CDIN1: variants seen among roughly 807,000 people sequenced by gnomAD.
CDIN1 encodes the protein CDAN1-interacting nuclease 1.
Under a neutral mutation model 45.3 loss-of-function variants are expected in CDIN1, and 33 were observed. The ratio of observed to expected loss-of-function variants is 0.73; its 90% CI spans 0.55 to 0.97. CDIN1 has a LOEUF of 0.97. Among genes scored for constraint, CDIN1 ranks in the 50% least tolerant of loss-of-function variants. CDIN1 has a pLI of 0.00. For synonymous variants in CDIN1, 118 were observed against 124.4 expected (o/e 0.95, Z 0.34); for missense variants, 303 against 339.4 (o/e 0.89, Z 0.84).
Position 36,665,012 on chromosome 15 carries a change from A to T in CDIN1, c.346+7107A>T, listed in dbSNP as rs190852957. Among the ~76,000 whole-genome samples the T allele has an allele frequency of 2.0e-5, 3 of 152,172 alleles. No homozygotes were observed. In the East Asian group the frequency reaches 5.8e-4, roughly 29 times the overall value. On this transcript the variant is annotated intron_variant, in intron 5 of 10. Coordinates refer to ENST00000566621, the MANE Select transcript of CDIN1 (RefSeq NM_001321759.2). ...AATTTCTTGAAAGCTCCACTGTATCATATTTTATCCTTTGAAATGTGTTGG... is the reference window on the plus strand; with the variant it reads ...AATTTCTTGAAAGCTCCACTGTATCTTATTTTATCCTTTGAAATGTGTTGG...
At chr15:36,778,108 A>G (rs185017388) in intron 10 of CDIN1, among the ~76,000 whole-genome samples, 37 of 152,308 alleles carry the variant, frequency 2.4e-4, no homozygotes, top group Non-Finnish European at 7.3e-5. Flanking sequence ...ATACCAAGTT[A>G]CCACGGGCCT....
At chr15:36,624,798 A>T (rs748053798) in intron 1 of CDIN1, among the ~76,000 whole-genome samples, 37 of 152,290 alleles carry the variant, frequency 2.4e-4, no homozygotes, top group Middle Eastern at 3.4e-3. Context: ...TTGGGAAGAA[A>T]GTAGTAAAGA....
At chr15:36,646,459 C>G (rs1011061242) in intron 3 of CDIN1, among the ~76,000 whole-genome samples, 1 of 151,470 alleles carries the variant, frequency 6.6e-6, no homozygotes, top group Non-Finnish European at 1.5e-5. Context: ...AGTTTTGTGT[C>G]TAGGAGAGAT....
At chr15:36,728,001 A>G (rs1224059226) in intron 10 of CDIN1, among the ~76,000 whole-genome samples, 10 of 152,228 alleles carry the variant, frequency 6.6e-5, no homozygotes, top group African/African-American at 1.9e-4. Context: ...GATTATATGC[A>G]TGCTAAGAAT....
At chr15:36,580,708 AG>A (rs1305005553) in intron 1 of CDIN1, among the ~76,000 whole-genome samples, 1 of 152,252 alleles carries the variant, frequency 6.6e-6, no homozygotes, top group African/African-American at 2.4e-5. Context: ...ACATTACATG[AG>A]GAACCAGTTG....
At chr15:36,717,197 A>G (rs900834000) in intron 10 of CDIN1, among the ~76,000 whole-genome samples, 6 of 152,224 alleles carry the variant, frequency 3.9e-5, no homozygotes, top group Admixed American at 2.0e-4. Context: ...GACACAGAAT[A>G]AACTCATATT....
At chr15:36,660,947 T>C (rs1441431284) in intron 5 of CDIN1, among the ~76,000 whole-genome samples, 2 of 152,192 alleles carry the variant, frequency 1.3e-5, no homozygotes, top group African/African-American at 4.8e-5. Context: ...TTTATCCATG[T>C]TGTGCCATTT....
chr15:36,712,626 A>G (rs1400023067), intron 10 of CDIN1, among the ~76,000 whole-genome samples: 1 of 152,142 alleles, frequency 6.6e-6, no homozygotes, highest in East Asian at 1.9e-4. Flanking sequence ...ACCAATTTTT[A>G]GATTAACATT....
At chr15:36,759,979 G>A (rs1172943880) in intron 10 of CDIN1, among the ~76,000 whole-genome samples, 1 of 152,116 alleles carries the variant, frequency 6.6e-6, no homozygotes, top group African/African-American at 2.4e-5. Context: ...AATTCAACAT[G>A]AGATTTGGGT....
intron 10 of CDIN1, among the ~76,000 whole-genome samples, chr15:36,742,210 C>G (rs930658161): frequency 6.6e-6 from 1 of 151,960 alleles, no homozygotes; most frequent in African/African-American, 2.4e-5. Context: ...TCTGGACCAC[C>G]GTCAAAGACC....
At chr15:36,618,518 TA>T (rs979635521) in intron 1 of CDIN1, 1 of 1,235,294 alleles carries the variant, frequency 8.1e-7, no homozygotes, top group Non-Finnish European at 1.2e-6. Context: ...AAGTTTGACT[TA>T]CTAGCCTCAA....
In CDIN1 at chr15:36,763,971, G is replaced by A. The variant is rs138479643; in HGVS notation, c.717-44353G>A. The stretch of plus-strand genomic sequence containing the variant: ...GACTGTCAGTATCCATTCTCTATGC[G>A]TACCAAAACAAACCACAAGTTCAAA... On this transcript the variant is annotated intron_variant, in intron 10 of 10. Coordinates refer to ENST00000566621, the MANE Select transcript of CDIN1 (RefSeq NM_001321759.2). 1.6e-3 allele frequency among the ~76,000 whole-genome samples: 242 copies of A among 152,202 alleles called. 4 individuals are homozygous for A. In the South Asian group the frequency reaches 0.022, roughly 14 times the overall value.
intron 10 of CDIN1, among the ~76,000 whole-genome samples, chr15:36,764,214 G>GTTTTT (rs11297312): frequency 1.9e-4 from 22 of 116,218 alleles, no homozygotes; most frequent in Non-Finnish European, 3.1e-4. Context: ...TGTGGTTTTG[G>GTTTTT]TTTTTTTTTT....
At chr15:36,654,642 TCTC>T in intron 4 of CDIN1, among the ~76,000 whole-genome samples, 1 of 152,184 alleles carries the variant, frequency 6.6e-6, no homozygotes, top group South Asian at 2.1e-4. Flanking sequence ...TGTAGAAAAG[TCTC>T]CTTCTTTATA....
chr15:36,593,323 A>G (rs1416179193), intron 1 of CDIN1, among the ~76,000 whole-genome samples: 1 of 152,118 alleles, frequency 6.6e-6, no homozygotes, highest in Non-Finnish European at 1.5e-5. Context: ...TTTTGTCTCA[A>G]CTTAGTAAGA....
chr15:36,602,902 G>A lies in CDIN1; in HGVS notation c.101+22941G>A, dbSNP rs1171493466. On this transcript the variant is annotated intron_variant, in intron 1 of 10. Coordinates refer to ENST00000566621, the MANE Select transcript of CDIN1 (RefSeq NM_001321759.2). ...ACTTGGGAGGCTTAGGCAGGAGAAC[G>A]GCGTGAATGCGGGAGGCAGAGCTTG... is the stretch of plus-strand genomic sequence containing the variant. Among the ~76,000 whole-genome samples the A allele has an allele frequency of 2.0e-5, 3 of 152,230 alleles. No homozygotes were observed. The East Asian group carries it at 5.8e-4, about 29-fold the overall frequency.
At chr15:36,774,124 A>G (rs57761133) in intron 10 of CDIN1, among the ~76,000 whole-genome samples, 2,971 of 142,554 alleles carry the variant, frequency 0.021, 106 homozygotes, top group African/African-American at 0.081. Flanking sequence ...CCGGCAAGTA[A>G]CTGACAGGGG....
At chr15:36,800,879 A>ATGTGTGTGTG (rs1163549097) in intron 10 of CDIN1, among the ~76,000 whole-genome samples, 3 of 82,524 alleles carry the variant, frequency 3.6e-5, no homozygotes, top group Non-Finnish European at 4.8e-5. Context: ...GTGTGTATAT[A>ATGTGTGTGTG]TGTGTGTGTG....
At chr15:36,690,976 T>C (rs972055147) in intron 5 of CDIN1, among the ~76,000 whole-genome samples, 1 of 152,072 alleles carries the variant, frequency 6.6e-6, no homozygotes, top group South Asian at 2.1e-4. Flanking sequence ...TAGTGCCCCC[T>C]CTTCTTCTAT....
Sources: allele counts gnomAD v4.1 joint callset (sites outside exome capture counted in the v4.1 genomes callset), GRCh38; gene constraint gnomAD v4.1.1; transcripts MANE v1.5; gene names NCBI Gene and HGNC (gene_info 2026-07-23, HGNC 2026-07-21).